CYP21A2: variants seen among roughly 807,000 people sequenced by gnomAD.
The protein encoded by CYP21A2 is steroid 21-hydroxylase.
Under a neutral mutation model 47.4 loss-of-function variants are expected in CYP21A2, and 24 were observed. That is an observed-to-expected ratio of 0.51 (90% CI 0.37 to 0.71). The LOEUF is 0.71. Ranked by LOEUF, CYP21A2 falls within the 30% of genes least tolerant of loss-of-function variation. The pLI, the probability that CYP21A2 is intolerant of heterozygous loss-of-function variation, is 0.00. For missense variants in CYP21A2, 358 were observed against 643.2 expected (o/e 0.56, Z 4.80); for synonymous variants, 130 against 273.9 (o/e 0.47, Z 5.19).
intron 2 of CYP21A2, 27 bp downstream of exon 2, chr6:32,038,838 C>G (rs779650227): frequency 2.0e-6 from 3 of 1,464,322 alleles, no homozygotes; most frequent in Non-Finnish European, 2.9e-6. Context: ...TTTTTTCTTT[C>G]TTAAAAAAAT....
intron 6 of CYP21A2, 76 bp from the exon 7 acceptor site, chr6:32,039,929 C>G: frequency 7.5e-6 from 12 of 1,608,286 alleles, no homozygotes; most frequent in Non-Finnish European, 1.0e-5. Context: ...TTGCATACCC[C>G]AGTTATGGGC....
rs1383086985 is a variant in CYP21A2 at position 32,039,105 on chromosome 6, T to A, written c.304T>A (p.Ser102Thr). ...RPEPLTYKLV[S>T]RNYPDLSLGD... ...ACCTCCTCCTGCAGACAAGCTGGTG[T>A]CTAGGAACTACCCGGACCTGTCCTT... The change falls in exon 3 of 10, where the codon TCT (serine) becomes ACT (threonine). Residue 102 changes from serine to threonine, a missense_variant. Coordinates refer to ENST00000644719, the MANE Select transcript of CYP21A2 (RefSeq NM_000500.9). The A allele has an allele frequency of 1.3e-6, 2 of 1,597,668 alleles. No homozygotes were observed. Among genetic ancestry groups the A allele is most frequent in the African/African-American group, 2.7e-5 (2 of 74,006 alleles).
Position 32,038,527 on chromosome 6 carries a change from G to C in CYP21A2, c.105G>C (p.Pro35=). The C allele has an allele frequency of 1.2e-6, 2 of 1,607,708 alleles. No homozygotes were observed. The highest frequency in any genetic ancestry group is 1.7e-6 in the Non-Finnish European group (2 of 1,176,858). The change falls in exon 1 of 10, where the codon CCG becomes CCC. Residue 35 remains proline (P), a synonymous_variant. Coordinates refer to ENST00000644719, the MANE Select transcript of CYP21A2 (RefSeq NM_000500.9). ...LRSLHLPPLA[P]GFLHLLQPDL... ...GCCTCCACCTCCCGCCTCTTGCCCC[G>C]GGCTTCTTGCACCTGCTGCAGCCCG...
Position 32,039,406 on chromosome 6 carries a change from T to A in CYP21A2, c.498T>A (p.Ser166=). 6.2e-7 allele frequency: 1 copy of A among 1,613,078 alleles called. No individual in the cohort carries two copies. The highest frequency in any genetic ancestry group is 1.1e-5 in the South Asian group (1 of 90,904). The part of the protein sequence containing the change: ...GTPVAIEEEF[S]LLTCSIICYL... ...CTGTGGCCATTGAGGAGGAATTCTC[T>A]CTCCTCACCTGCAGCATCATCTGTT... The change falls in exon 4 of 10, where the codon TCT becomes TCA. Residue 166 remains serine (S), a synonymous_variant. Transcript: ENST00000644719.
In CYP21A2 at chr6:32,040,477, C is replaced by T. The variant is rs139392370; in HGVS notation, c.1011C>T (p.Tyr337=). The part of the protein sequence containing the change: ...GPGASSSRVP[Y]KDRARLPLLN... ...GTGCCTCCAGCTCCCGGGTCCCCTA[C>T]AAGGACCGTGCACGGCTGCCCTTGC... is the stretch of plus-strand genomic sequence containing the variant. The change falls in exon 8 of 10, where the codon TAC becomes TAT. Residue 337 remains tyrosine (Y), a synonymous_variant. Coordinates refer to ENST00000644719, the MANE Select transcript of CYP21A2 (RefSeq NM_000500.9). The T allele has an allele frequency of 2.3e-5, 37 of 1,613,208 alleles. No individual in the cohort carries two copies. In the African/African-American group the frequency reaches 4.3e-4, roughly 19 times the overall value.
At chr6:32,040,361 C>A in intron 7 of CYP21A2, 45 bp from the exon 8 acceptor site, 1 of 1,610,452 alleles carries the variant, frequency 6.2e-7, no homozygotes, top group Non-Finnish European at 8.5e-7. Context: ...GGAGGCTGGG[C>A]AGCTGTGGGC....
At chr6:32,040,643 A>G (rs1776246401) in intron 8 of CYP21A2, 25 bp from the exon 9 acceptor site, 1 of 1,606,788 alleles carries the variant, frequency 6.2e-7, no homozygotes. Flanking sequence ...GGTCCTGGCC[A>G]GCCTCTAACT....
intron 7 of CYP21A2, 85 bp downstream of exon 7, chr6:32,040,290 C>T (rs2151874873): frequency 2.0e-5 from 33 of 1,612,008 alleles, no homozygotes; most frequent in South Asian, 1.6e-4. Flanking sequence ...GAGCACTGTG[C>T]GGCTGGGGCT....
In CYP21A2 at chr6:32,039,088, C is replaced by T. The variant is rs1776053786; in HGVS notation, c.293-6C>T. On this transcript the variant is annotated splice_polypyrimidine_tract_variant and splice_region_variant and intron_variant, in intron 2 of 9. Coordinates refer to ENST00000644719, the MANE Select transcript of CYP21A2 (RefSeq NM_000500.9). ...CCCACCCTCCAGCCCCCACCTCCTC[C>T]TGCAGACAAGCTGGTGTCTAGGAAC... 6.2e-7 allele frequency: 1 copy of T among 1,600,878 alleles called. No individual in the cohort carries two copies. The highest frequency in any genetic ancestry group is 1.1e-5 in the South Asian group (1 of 88,872).
rs771942449 is a variant in CYP21A2 at position 32,038,499 on chromosome 6, G to A, written c.77G>A (p.Arg26Gln). The A allele has an allele frequency of 3.1e-5, 50 of 1,599,012 alleles. No individual in the cohort carries two copies. Among genetic ancestry groups the A allele is most frequent in the South Asian group, 1.2e-4 (11 of 89,338 alleles). Residue 26 changes from arginine (R) to glutamine (Q), a missense_variant, in exon 1 of 10, where the codon CGG becomes CAG. By Grantham distance (43) the Arg-to-Gln change is conservative. Transcript: ENST00000644719. ...ARLLWNWWKL[R>Q]SLHLPPLAPG... ...CTGCTGTGGAACTGGTGGAAGCTCC[G>A]GAGCCTCCACCTCCCGCCTCTTGCC...
At position 32,039,996 on chromosome 6, in the gene CYP21A2, C is replaced by G; in HGVS notation, c.739-9C>G. ...CAGCCGCTCAGCCCGCTCCTTTCAC[C>G]CTCTGCAGGAGAGCCTCGTGGCAGG... On this transcript the variant is annotated splice_polypyrimidine_tract_variant and intron_variant, in intron 6 of 9. Transcript: ENST00000644719. 6.2e-7 allele frequency: 1 copy of G among 1,611,562 alleles called. No individual in the cohort carries two copies. Among genetic ancestry groups the G allele is most frequent in the Non-Finnish European group, 8.5e-7 (1 of 1,179,422 alleles).
rs1257294767 is a variant in CYP21A2, at chr6:32,039,608, C to A, written c.612C>A (p.His204Gln). The change falls in exon 5 of 10, where the codon CAC (histidine) becomes CAA (glutamine). Residue 204 changes from histidine (H) to glutamine (Q), a missense_variant. Transcript: ENST00000644719. Reference protein sequence around the residue: ...CIQEVLKTWSHWSIQIVDVIP... With the variant: ...CIQEVLKTWSQWSIQIVDVIP... ...AGGAGGTGTTAAAAACCTGGAGCCA[C>A]TGGTCCATCCAAATTGTGGACGTGA... is the stretch of plus-strand genomic sequence containing the variant. 1 of 1,567,924 alleles carries A rather than the reference C, an allele frequency of 6.4e-7. No individual in the cohort carries two copies. The highest frequency in any genetic ancestry group is 1.2e-5 in the South Asian group (1 of 85,878).
At position 32,039,379 on chromosome 6, in the gene CYP21A2, C is replaced by T. The variant is rs1418676297; in HGVS notation, c.471C>T (p.Thr157=). The part of the protein sequence containing the change: ...FCERMRAQPG[T]PVAIEEEFSL... ...AGCGCATGAGAGCCCAGCCCGGCAC[C>T]CCTGTGGCCATTGAGGAGGAATTCT... Residue 157 remains threonine (T), a synonymous_variant, in exon 4 of 10, where the codon ACC becomes ACT. Coordinates refer to ENST00000644719, the MANE Select transcript of CYP21A2 (RefSeq NM_000500.9). 2 of 1,611,924 alleles carry T rather than the reference C, an allele frequency of 1.2e-6. No homozygotes were observed. Among genetic ancestry groups the T allele is most frequent in the Non-Finnish European group, 1.7e-6 (2 of 1,179,106 alleles).
rs1582307366 is a variant in CYP21A2, at chr6:32,039,931, G to A, written c.739-74G>A. ...GAGGCGGGTTCTTTTGCATACCCCA[G>A]TTATGGGCCTGTTGCCACTCTGTAC... is the stretch of plus-strand genomic sequence containing the variant. On this transcript the variant is annotated intron_variant, in intron 6 of 9. Coordinates refer to ENST00000644719, the MANE Select transcript of CYP21A2 (RefSeq NM_000500.9). 2 of 1,608,888 alleles carry A rather than the reference G, an allele frequency of 1.2e-6. No individual in the cohort carries two copies. Among genetic ancestry groups the A allele is most frequent in the Non-Finnish European group, 1.7e-6 (2 of 1,177,988 alleles).
At position 32,040,011 on chromosome 6, in the gene CYP21A2, C is replaced by T. The variant is rs1410276182; in HGVS notation, c.745C>T (p.Leu249Phe). 31 of 1,610,428 alleles carry T rather than the reference C, an allele frequency of 1.9e-5. No individual in the cohort carries two copies. Among genetic ancestry groups the T allele is most frequent in the Non-Finnish European group, 2.4e-5 (28 of 1,178,788 alleles). Residue 249 changes from leucine to phenylalanine, a missense_variant, in exon 7 of 10, where the codon CTC becomes TTC. By Grantham distance (22) the Leu-to-Phe change is conservative (BLOSUM62 0). Transcript: ENST00000644719. ...EMQLRQHKES[L>F]VAGQWRDMMD... ...CTCCTTTCACCCTCTGCAGGAGAGC[C>T]TCGTGGCAGGCCAGTGGAGGGACAT...
chr6:32,039,802 T>G lies in CYP21A2; in HGVS notation c.705T>G (p.Asp235Glu), dbSNP rs10947229. The G allele has an allele frequency of 1.4e-5, 23 of 1,613,898 alleles. No individual in the cohort carries two copies. The highest frequency in any genetic ancestry group is 1.9e-5 in the Non-Finnish European group (23 of 1,179,966). The change falls in exon 6 of 10, where the codon GAT becomes GAG. Residue 235 changes from aspartate to glutamate, a missense_variant. Transcript: ENST00000644719. ...RRLKQAIEKR[D>E]HIVEMQLRQH... Reference sequence around the variant, plus strand: ...TGAAGCAGGCCATAGAGAAGAGGGATCACATCGTGGAGATGCAGCTGAGGC... The same window carrying G: ...TGAAGCAGGCCATAGAGAAGAGGGAGCACATCGTGGAGATGCAGCTGAGGC...
rs755201790 is a variant in CYP21A2, at chr6:32,040,388, C to T, written c.940-18C>T. ...GCTGTGGGCTGCTGGGGCAGGACTC[C>T]ACCCGATCATTCCCCAGATTCAGCA... is the stretch of plus-strand genomic sequence containing the variant. On this transcript the variant is annotated intron_variant, in intron 7 of 9. Transcript: ENST00000644719. The T allele has an allele frequency of 1.2e-6, 2 of 1,612,646 alleles. No homozygotes were observed. The highest frequency in any genetic ancestry group is 2.2e-5 in the South Asian group (2 of 91,062).
At chr6:32,038,698 G>A (rs1449896698) in intron 1 of CYP21A2, 24 bp from the exon 2 acceptor site, 2 of 1,480,378 alleles carry the variant, frequency 1.4e-6, no homozygotes, top group South Asian at 2.4e-5. Flanking sequence ...TCTCTCCGCT[G>A]ACGCTGCTTT....
At position 32,039,454 on chromosome 6, in the gene CYP21A2, C is replaced by G. The variant is rs1427120125; in HGVS notation, c.546C>G (p.Ile182Met). ...GTTACCTCACCTTCGGAGACAAGAT[C>G]AAGGTGCCTCACAGCCCCTCAGGCC... The part of the protein sequence containing the change: ...IICYLTFGDK[I>M]KDDNLMPAYY... The change falls in exon 4 of 10, where the codon ATC (isoleucine) becomes ATG (methionine). Residue 182 changes from isoleucine to methionine, a missense_variant. Ile to Met is a conservative substitution (Grantham distance 10). Transcript: ENST00000644719. 6.2e-7 allele frequency: 1 copy of G among 1,606,398 alleles called. No homozygotes were observed. The highest frequency in any genetic ancestry group is 1.3e-5 in the African/African-American group (1 of 74,710).
Sources: gnomAD v4.1 joint callset for allele counts on GRCh38, gnomAD v4.1.1 for gene constraint, MANE v1.5 for transcripts, NCBI Gene and HGNC (gene_info 2026-07-23, HGNC 2026-07-21) for gene names.